STK35: variants seen among roughly 807,000 people sequenced by gnomAD.
STK35 encodes serine/threonine kinase 35, also known as serine/threonine-protein kinase 35.
Under a neutral mutation model 37.3 loss-of-function variants are expected in STK35, and 17 were observed. The observed-to-expected ratio is 0.46, with a 90% CI of 0.31 to 0.68. The LOEUF is 0.68. Among genes scored for constraint, STK35 ranks in the 30% least tolerant of loss-of-function variants. The pLI is 0.05. For synonymous variants in STK35, 385 were observed against 319.1 expected (o/e 1.21, Z -2.20); for missense variants, 595 against 746.7 (o/e 0.80, Z 2.37).
chr20:2,130,185 A>G (rs1463139092), intron 3 of STK35, among the ~76,000 whole-genome samples: 1 of 152,142 alleles, frequency 6.6e-6, no homozygotes, highest in Non-Finnish European at 1.5e-5. Context: ...ACGTGCGGAC[A>G]TGAGACCGTA....
chr20:2,106,125 A>G (rs1328129845), intron 2 of STK35, among the ~76,000 whole-genome samples: 1 of 152,188 alleles, frequency 6.6e-6, no homozygotes, highest in Non-Finnish European at 1.5e-5. Flanking sequence ...TAAAATAGAG[A>G]ACAGATACCA....
intron 2 of STK35, among the ~76,000 whole-genome samples, chr20:2,113,944 G>A (rs1368424325): frequency 6.6e-6 from 1 of 152,140 alleles, no homozygotes; most frequent in Admixed American, 6.5e-5. Context: ...CAGTCTCCCT[G>A]TGTTTTCCTT....
At chr20:2,129,991 G>T (rs907020106) in intron 3 of STK35, among the ~76,000 whole-genome samples, 3 of 152,162 alleles carry the variant, frequency 2.0e-5, no homozygotes, top group South Asian at 2.1e-4. Flanking sequence ...AATTCAAGGT[G>T]CATTTTGGAG....
At chr20:2,128,340 A>AAAC (rs1568579261) in intron 3 of STK35, among the ~76,000 whole-genome samples, 1 of 152,140 alleles carries the variant, frequency 6.6e-6, no homozygotes, top group East Asian at 1.9e-4. Context: ...GAGGGCCTGT[A>AAAC]AGGTCCTGGC....
intron 3 of STK35, among the ~76,000 whole-genome samples, chr20:2,136,120 C>T (rs967651465): frequency 5.9e-5 from 9 of 152,174 alleles, no homozygotes; most frequent in African/African-American, 2.2e-4. Context: ...ATTCTGAGGC[C>T]GGGCCTGCTC....
intron 3 of STK35, among the ~76,000 whole-genome samples, chr20:2,130,596 A>C (rs564988116): frequency 6.6e-6 from 1 of 152,116 alleles, no homozygotes; most frequent in South Asian, 2.1e-4. Flanking sequence ...TTATTTATTT[A>C]TTTTTACTAG....
At position 2,117,123 on chromosome 20, in the gene STK35, A is replaced by G. The variant is rs1985730611; in HGVS notation, c.1350A>G (p.Arg450=). ...TTATCATCTGGGCAATGATAGAAAG[A>G]ATCACTTTTATTGACTCTGAGACCA... ...LGIIIWAMIE[R]ITFIDSETKK... The change falls in exon 3 of 4, where the codon AGA becomes AGG. Residue 450 remains arginine, a synonymous_variant. Transcript: ENST00000381482. The surrounding 1 kb of genome is among the most constrained non-coding windows in gnomAD (Gnocchi z 4.4). 2 of 1,613,760 alleles carry G rather than the reference A, an allele frequency of 1.2e-6. No homozygotes were observed. Among genetic ancestry groups the G allele is most frequent in the African/African-American group, 2.7e-5 (2 of 74,978 alleles).
At chr20:2,114,161 T>C (rs1225572677) in intron 2 of STK35, among the ~76,000 whole-genome samples, 1 of 152,082 alleles carries the variant, frequency 6.6e-6, no homozygotes, top group Non-Finnish European at 1.5e-5. Context: ...AATTCTGACA[T>C]GTTTGTTTTC....
In STK35 at chr20:2,102,179, A is replaced by AG; in HGVS notation, c.294+7dup. 1 of 1,375,998 alleles carries AG rather than the reference A, an allele frequency of 7.3e-7. No homozygotes were observed. 85.2% of individuals were successfully genotyped at this position (1,375,998 alleles called of 1,614,324 possible). Reference sequence around the variant, plus strand: ...GAAGTGGAGGTGCGCGGGCCAGGTAAGGGCGCCGTTGGAGGACTGAAGGCC... The same window carrying AG: ...GAAGTGGAGGTGCGCGGGCCAGGTAAGGGGCGCCGTTGGAGGACTGAAGGCC... On this transcript the variant is annotated splice_donor_region_variant and intron_variant, in intron 1 of 3. Coordinates refer to ENST00000381482, the MANE Select transcript of STK35 (RefSeq NM_080836.4).
rs927516559 is a variant in STK35 at position 2,147,000 on chromosome 20, A to T, written c.*3254A>T. On this transcript the variant is annotated 3_prime_UTR_variant, in exon 4 of 4. Coordinates refer to ENST00000381482, the MANE Select transcript of STK35 (RefSeq NM_080836.4). ...GGAATTTTTTTCCTCCCACCTGGAC[A>T]TAGTTTGCCCCTGTGGCTGCCTTTC... is the stretch of plus-strand genomic sequence containing the variant. 6.5e-6 allele frequency: 1 copy of T among 152,690 alleles called. No individual in the cohort carries two copies. 9.5% of individuals were successfully genotyped at this position (152,690 alleles called of 1,614,324 possible).
At chr20:2,103,400 G>C in intron 2 of STK35, 35 bp downstream of exon 2, 1 of 1,582,558 alleles carries the variant, frequency 6.3e-7, no homozygotes, top group Non-Finnish European at 8.6e-7. Flanking sequence ...CCCACGCAGG[G>C]CCTGGACCCC....
intron 3 of STK35, among the ~76,000 whole-genome samples, chr20:2,118,007 T>G (rs1985748835): frequency 6.6e-6 from 1 of 152,362 alleles, no homozygotes; most frequent in Non-Finnish European, 1.5e-5. Context: ...TTATAAATGC[T>G]CACTGTAGAA....
At chr20:2,118,059 T>G (rs1351797624) in intron 3 of STK35, among the ~76,000 whole-genome samples, 1 of 152,174 alleles carries the variant, frequency 6.6e-6, no homozygotes, top group Non-Finnish European at 1.5e-5. Flanking sequence ...GAATAAACAC[T>G]ATCTCTGATT....
rs1048662113 is a variant in STK35, at chr20:2,148,004, G to T, written c.*4258G>T. On this transcript the variant is annotated 3_prime_UTR_variant, in exon 4 of 4. Coordinates refer to ENST00000381482, the MANE Select transcript of STK35 (RefSeq NM_080836.4). ...CCTCAAAGGGTAACCAGTAGGTGTG[G>T]CATTGAATTGGCCAGTGTTAGCATC... 4.6e-5 allele frequency: 7 copies of T among 152,184 alleles called. No individual in the cohort carries two copies. Among genetic ancestry groups the T allele is most frequent in the African/African-American group, 1.7e-4 (7 of 41,430 alleles). 9.4% of individuals were successfully genotyped at this position (152,184 alleles called of 1,614,324 possible). A position where few individuals can be genotyped will look rare whatever the true frequency, so the allele number is the denominator to read the frequency against.
At chr20:2,125,061 G>T (rs576913915) in intron 3 of STK35, among the ~76,000 whole-genome samples, 2 of 152,222 alleles carry the variant, frequency 1.3e-5, no homozygotes, top group African/African-American at 4.8e-5. Flanking sequence ...GGCTGTTGAC[G>T]TCAAGGCCCA....
intron 3 of STK35, among the ~76,000 whole-genome samples, chr20:2,136,486 G>A (rs189041397): frequency 3.8e-4 from 58 of 152,338 alleles, no homozygotes; most frequent in African/African-American, 1.3e-3. Context: ...AAGTGGCCCA[G>A]CTCTCTGAGC....
Position 2,142,168 on chromosome 20 carries a change from T to A in STK35, c.*38-1616T>A, listed in dbSNP as rs145402820. Among the ~76,000 whole-genome samples, 88 of 152,250 alleles carry A rather than the reference T, an allele frequency of 5.8e-4. 1 individual carries two copies. In the East Asian group the frequency reaches 0.017, roughly 29 times the overall value. On this transcript the variant is annotated intron_variant, in intron 3 of 3. Transcript: ENST00000381482. Reference sequence around the variant, plus strand: ...GATTTAACACGTTTATAGTCTCTGGTTGGGGACAGTTGGCCAGGAAGGGGT... The same window carrying A: ...GATTTAACACGTTTATAGTCTCTGGATGGGGACAGTTGGCCAGGAAGGGGT...
At chr20:2,133,438 A>G (rs1360223050) in intron 3 of STK35, among the ~76,000 whole-genome samples, 3 of 152,236 alleles carry the variant, frequency 2.0e-5, no homozygotes, top group Admixed American at 2.0e-4. Flanking sequence ...GAATTAGGGT[A>G]TCCACACAGC....
intron 3 of STK35, among the ~76,000 whole-genome samples, chr20:2,132,198 T>C (rs900239101): frequency 1.3e-5 from 2 of 152,182 alleles, no homozygotes; most frequent in African/African-American, 4.8e-5. Flanking sequence ...AGAGAGTTCA[T>C]CTGAGCAAAT....
Sources: gnomAD v4.1 joint callset for allele counts (sites outside exome capture counted in the v4.1 genomes callset) on GRCh38, gnomAD v4.1.1 for gene constraint, Gnocchi (gnomAD v3.1) non-coding constraint, MANE v1.5 for transcripts, NCBI Gene and HGNC (gene_info 2026-07-23, HGNC 2026-07-21) for gene names.